CMTM4: variants seen among roughly 807,000 people sequenced by gnomAD.
The protein encoded by CMTM4 is CKLF like MARVEL transmembrane domain containing 4.
Under a neutral mutation model 19.0 loss-of-function variants are expected in CMTM4, and 8 were observed. The ratio of observed to expected loss-of-function variants is 0.42; its 90% CI spans 0.25 to 0.76. The LOEUF is 0.76. Ranked by LOEUF, CMTM4 falls within the 30% of genes least tolerant of loss-of-function variation. The pLI is 0.27. For synonymous variants in CMTM4, 106 were observed against 121.1 expected, an observed-to-expected ratio of 0.88 and a Z score of 0.82; for missense variants, 228 against 290.2, an observed-to-expected ratio of 0.79 and a Z score of 1.56.
At chr16:66,627,739 G>C (rs1413003149) in intron 2 of CMTM4, among the ~76,000 whole-genome samples, 1 of 152,150 alleles carries the variant, frequency 6.6e-6, no homozygotes, top group Admixed American at 6.5e-5. Context: ...TGAAGGCGTG[G>C]CCTGCCCCTC....
chr16:66,666,611 G>A (rs2016599217), intron 1 of CMTM4, among the ~76,000 whole-genome samples: 1 of 152,138 alleles, frequency 6.6e-6, no homozygotes, highest in Non-Finnish European at 1.5e-5. Flanking sequence ...TACTTGAACA[G>A]GTTCTTCACC....
intron 1 of CMTM4, among the ~76,000 whole-genome samples, chr16:66,670,568 G>A (rs1279075225): frequency 6.6e-6 from 1 of 152,094 alleles, no homozygotes; most frequent in African/African-American, 2.4e-5. Context: ...TTGGGAGGCC[G>A]AGGTAGGCGG....
chr16:66,660,677 T>C (rs1311469765), intron 1 of CMTM4, among the ~76,000 whole-genome samples: 1 of 152,194 alleles, frequency 6.6e-6, no homozygotes, highest in Non-Finnish European at 1.5e-5. Context: ...TTTTCTTAAA[T>C]TGGTATTACT....
chr16:66,612,756 A>T, downstream of CMTM4: 5 of 964,672 alleles, frequency 5.2e-6, no homozygotes, highest in South Asian at 1.5e-5. This position sits in a 1 kb window ranked among gnomAD's most constrained non-coding sequence, Gnocchi z 6.0. Context: ...GGCTGCGGAC[A>T]CAGCAGGCCC....
At chr16:66,662,706 G>A (rs1216503440) in intron 1 of CMTM4, among the ~76,000 whole-genome samples, 1 of 152,078 alleles carries the variant, frequency 6.6e-6, no homozygotes, top group Non-Finnish European at 1.5e-5. Flanking sequence ...CATGGACACA[G>A]CTGTGGAAAC....
chr16:66,636,774 T>A (rs192122745), intron 1 of CMTM4, among the ~76,000 whole-genome samples, 193 bp from the exon 2 acceptor site: 27 of 152,316 alleles, frequency 1.8e-4, no homozygotes, highest in Admixed American at 3.9e-4. Context: ...GGGGTCTTAA[T>A]GGAAGGATCA....
In CMTM4 at chr16:66,696,600, G is replaced by GCAT. The variant is rs1194046634; in HGVS notation, c.-78_-76dup. 2.9e-5 allele frequency: 26 copies of GCAT among 902,120 alleles called. No individual in the cohort carries two copies. The highest frequency in any genetic ancestry group is 3.5e-5 in the Non-Finnish European group (26 of 750,384). 55.9% of individuals were successfully genotyped at this position (902,120 alleles called of 1,614,324 possible). The stretch of plus-strand genomic sequence containing the variant: ...AGCGGGCGGACTCAGCGGGGCCGCC[G>GCAT]CATCGCCGCCGCCGCCGCCGCCGCC... On this transcript the variant is annotated 5_prime_UTR_variant, in exon 1 of 4. In the 5' UTR this introduces an upstream ATG that the reference lacks. Transcript: ENST00000394106. The surrounding 1 kb of genome is among the most constrained non-coding windows in gnomAD (Gnocchi z 4.3).
chr16:66,674,665 T>C (rs947100024), intron 1 of CMTM4, among the ~76,000 whole-genome samples: 2 of 151,974 alleles, frequency 1.3e-5, no homozygotes, highest in Admixed American at 6.6e-5. Flanking sequence ...ATTCCGTCAT[T>C]TGGTGTTGAA....
chr16:66,632,419 A>C (rs531029509), intron 2 of CMTM4, among the ~76,000 whole-genome samples: 1 of 152,302 alleles, frequency 6.6e-6, no homozygotes, highest in South Asian at 2.1e-4. Context: ...ACACATGGGA[A>C]GCTTTTGGGG....
chr16:66,669,890 C>T (rs1414848968), intron 1 of CMTM4, among the ~76,000 whole-genome samples: 1 of 151,962 alleles, frequency 6.6e-6, no homozygotes, highest in Admixed American at 6.6e-5. Context: ...GGTGCACACT[C>T]CTTTATTAGA....
downstream of CMTM4, chr16:66,613,162 C>T: frequency 1.4e-6 from 1 of 702,550 alleles, no homozygotes; most frequent in Non-Finnish European, 2.6e-6. Flanking sequence ...CACCAGTTCC[C>T]TCTTCATTCT....
rs985481027 is a variant in CMTM4 at position 66,620,736 on chromosome 16, A to G, written c.*1322T>C. ...GGGCTAAACACAAAATGTTAGAGCTAAAGTGAGGTTTGTAAACATTAAAAA... is the reference window on the plus strand; with the variant it reads ...GGGCTAAACACAAAATGTTAGAGCTGAAGTGAGGTTTGTAAACATTAAAAA... On this transcript the variant is annotated 3_prime_UTR_variant, in exon 4 of 4. Coordinates refer to ENST00000394106, the MANE Select transcript of CMTM4 (RefSeq NM_181521.3). 3.0e-6 allele frequency: 3 copies of G among 985,766 alleles called. No homozygotes were observed. The African/African-American group carries it at 5.2e-5, about 17-fold the overall frequency. 61.1% of individuals were successfully genotyped at this position (985,766 alleles called of 1,614,324 possible).
intron 1 of CMTM4, among the ~76,000 whole-genome samples, chr16:66,670,795 T>C (rs940367561): frequency 9.3e-5 from 14 of 149,742 alleles, no homozygotes; most frequent in Non-Finnish European, 1.8e-4. Flanking sequence ...CAAGACTCCA[T>C]ATAAAAAAAA....
the CMTM4 span, among the ~76,000 whole-genome samples, chr16:66,599,193 G>A: frequency 5.3e-5 from 8 of 152,018 alleles, no homozygotes; most frequent in African/African-American, 1.7e-4. Context: ...GGGAGGCTGA[G>A]GCATGAGAAT....
At chr16:66,682,392 T>C (rs1567431630) in intron 1 of CMTM4, among the ~76,000 whole-genome samples, 1 of 152,078 alleles carries the variant, frequency 6.6e-6, no homozygotes, top group Non-Finnish European at 1.5e-5. Context: ...TCTTTTTTTT[T>C]TTCCACTGGC....
intron 1 of CMTM4, among the ~76,000 whole-genome samples, chr16:66,688,877 C>CT (rs1224255023): frequency 6.6e-6 from 1 of 152,144 alleles, no homozygotes; most frequent in African/African-American, 2.4e-5. Flanking sequence ...AGATTTATAT[C>CT]TAAGAATTTC....
At position 66,619,456 on chromosome 16, in the gene CMTM4, G is replaced by A. The variant is rs770836599; in HGVS notation, c.*2602C>T. ...CAGAACACTGAGAAAAACTAAGGTC[G>A]CTCAGCCTTCAAATGCCCCAAACCA... On this transcript the variant is annotated 3_prime_UTR_variant, in exon 4 of 4. Coordinates refer to ENST00000394106, the MANE Select transcript of CMTM4 (RefSeq NM_181521.3). 27 of 985,200 alleles carry A rather than the reference G, an allele frequency of 2.7e-5. No individual in the cohort carries two copies. The highest frequency in any genetic ancestry group is 3.5e-5 in the African/African-American group (2 of 57,206). 61.0% of individuals were successfully genotyped at this position (985,200 alleles called of 1,614,324 possible).
intron 1 of CMTM4, among the ~76,000 whole-genome samples, chr16:66,693,654 G>A (rs537295535): frequency 6.6e-4 from 100 of 152,266 alleles, no homozygotes; most frequent in Admixed American, 2.8e-3. Flanking sequence ...CAGAGTTTAA[G>A]TTCTAGAGAT....
At chr16:66,655,374 A>C (rs1000121161) in intron 1 of CMTM4, among the ~76,000 whole-genome samples, 2 of 152,144 alleles carry the variant, frequency 1.3e-5, no homozygotes, top group African/African-American at 4.8e-5. Context: ...AGGTCTCTAA[A>C]TAATATTTCC....
Sources: gnomAD v4.1 joint callset for allele counts (sites outside exome capture counted in the v4.1 genomes callset) on GRCh38, gnomAD v4.1.1 for gene constraint, Gnocchi (gnomAD v3.1) non-coding constraint, MANE v1.5 for transcripts, NCBI Gene and HGNC (gene_info 2026-07-23, HGNC 2026-07-21) for gene names.